The following CSMD1 variants were observed in gnomAD, a reference collection of about 807,000 sequenced individuals.
CSMD1 encodes the protein CUB and Sushi multiple domains 1, also known as CUB and sushi domain-containing protein 1.
Under a neutral mutation model 417.5 loss-of-function variants are expected in CSMD1, and 213 were observed. The ratio of observed to expected loss-of-function variants is 0.51; its 90% CI spans 0.46 to 0.57. The LOEUF is 0.57. Ranked by LOEUF, CSMD1 falls within the 20% of genes least tolerant of loss-of-function variation. The pLI, the probability that CSMD1 is intolerant of heterozygous loss-of-function variation, is 0.00. For synonymous variants in CSMD1, 2,862 were observed against 1,736.8 expected (o/e 1.65, Z -16.11); for missense variants, 6,923 against 4,529.7 (o/e 1.53, Z -15.17).
chr8:4,127,193 G>A (rs1425843888), intron 3 of CSMD1, among the ~76,000 whole-genome samples: 1 of 151,980 alleles, frequency 6.6e-6, no homozygotes, highest in Non-Finnish European at 1.5e-5. Flanking sequence ...TATCCCTGGA[G>A]GTGGCTGTCC....
intron 63 of CSMD1, among the ~76,000 whole-genome samples, chr8:2,957,215 T>C (rs1803078943): frequency 6.6e-6 from 1 of 152,180 alleles, no homozygotes; most frequent in South Asian, 2.1e-4. Flanking sequence ...GCAAGAATAA[T>C]TTTTTAAACA....
At chr8:3,367,343 T>A in intron 19 of CSMD1, 96 bp from the exon 20 acceptor site, 2 of 755,660 alleles carry the variant, frequency 2.6e-6, no homozygotes, top group Non-Finnish European at 4.4e-6. Context: ...GACAGAGACA[T>A]AGAGATGACA....
intron 46 of CSMD1, among the ~76,000 whole-genome samples, chr8:3,097,429 A>G (rs112412905): frequency 0.012 from 1,800 of 149,776 alleles, 32 homozygotes; most frequent in African/African-American, 0.042. Flanking sequence ...AAGAAAACTC[A>G]TATTTATTTT....
chr8:3,073,631 G>A (rs1476730851), intron 49 of CSMD1, among the ~76,000 whole-genome samples: 3 of 152,092 alleles, frequency 2.0e-5, no homozygotes, highest in African/African-American at 7.2e-5. Context: ...TAAAGATTAA[G>A]ATGTTTCAAT....
chr8:3,774,383 T>C (rs945859172), intron 5 of CSMD1, among the ~76,000 whole-genome samples: 2 of 152,164 alleles, frequency 1.3e-5, no homozygotes, highest in African/African-American at 4.8e-5. Flanking sequence ...CTCCCCGGGA[T>C]GCAAAACACA....
intron 25 of CSMD1, among the ~76,000 whole-genome samples, chr8:3,306,857 A>G (rs76852541): frequency 1.1e-5 from 1 of 94,054 alleles, no homozygotes. Flanking sequence ...AGCTTACTTT[A>G]AAAATATTAC....
At chr8:4,064,211 T>C (rs1482305358) in intron 3 of CSMD1, among the ~76,000 whole-genome samples, 3 of 152,196 alleles carry the variant, frequency 2.0e-5, no homozygotes, top group East Asian at 3.9e-4. Context: ...ATGGCTCAGA[T>C]TTGTTTCTGC....
intron 28 of CSMD1, 34 bp downstream of exon 28, chr8:3,223,695 C>T (rs774513290): frequency 1.9e-6 from 3 of 1,605,204 alleles, no homozygotes; most frequent in Admixed American, 1.7e-5. Flanking sequence ...ATTAAAAATC[C>T]TACTAAAAAG....
intron 11 of CSMD1, among the ~76,000 whole-genome samples, chr8:3,475,987 T>A (rs7461879): frequency 0.73 from 110,551 of 152,170 alleles, 40,579 homozygotes; most frequent in African/African-American, 0.84. Context: ...TCATCTCTGA[T>A]CAAATCTTCC....
At chr8:3,942,103 G>A (rs1304465398) in intron 5 of CSMD1, among the ~76,000 whole-genome samples, 1 of 152,018 alleles carries the variant, frequency 6.6e-6, no homozygotes, top group Non-Finnish European at 1.5e-5. Flanking sequence ...AGAATCTAAT[G>A]CCTGATGATC....
rs557895872 is a variant in CSMD1 at position 3,969,154 on chromosome 8, G to T, written c.818+28749C>A. On this transcript the variant is annotated intron_variant, in intron 5 of 69. Coordinates refer to ENST00000635120, the MANE Select transcript of CSMD1 (RefSeq NM_033225.6). ...TAATGTTACTACTCGAGAGGCTGAG[G>T]GAGGAGAATTGCTTGAACCTGGGAG... Among the ~76,000 whole-genome samples the T allele has an allele frequency of 9.9e-5, 15 of 152,274 alleles. No homozygotes were observed. The South Asian group carries it at 3.1e-3, about 32-fold the overall frequency.
At chr8:4,451,625 T>C (rs547971318) in intron 2 of CSMD1, among the ~76,000 whole-genome samples, 2 of 152,136 alleles carry the variant, frequency 1.3e-5, no homozygotes, top group Non-Finnish European at 2.9e-5. Flanking sequence ...CAAGAAGGAA[T>C]CTACTAGAAG....
intron 3 of CSMD1, among the ~76,000 whole-genome samples, chr8:4,087,761 C>G (rs971480631): frequency 6.6e-6 from 1 of 152,158 alleles, no homozygotes; most frequent in Non-Finnish European, 1.5e-5. Context: ...TCTTAATCTT[C>G]TTTCTATATT....
At chr8:3,205,652 T>G (rs1482534255) in intron 30 of CSMD1, 32 bp from the exon 31 acceptor site, 3 of 1,097,196 alleles carry the variant, frequency 2.7e-6, no homozygotes, top group African/African-American at 3.1e-5. Flanking sequence ...AATTAGTCGC[T>G]GTGCAATAAT....
At position 4,153,417 on chromosome 8, in the gene CSMD1, G is replaced by A. The variant is rs1055599978; in HGVS notation, c.416-121318C>T. 2.0e-5 allele frequency among the ~76,000 whole-genome samples: 3 copies of A among 152,176 alleles called. 1 individual carries two copies. The highest frequency in any genetic ancestry group is 2.9e-5 in the Non-Finnish European group (2 of 68,034). On this transcript the variant is annotated intron_variant, in intron 3 of 69. Coordinates refer to ENST00000635120, the MANE Select transcript of CSMD1 (RefSeq NM_033225.6). ...TTCTAGGTTCCCTAGCCTCATTCAT[G>A]CTGTTGCCTGTGCCCCGCACTTAGC...
chr8:3,400,478 T>A (rs1007273484), intron 15 of CSMD1, among the ~76,000 whole-genome samples: 4 of 152,094 alleles, frequency 2.6e-5, no homozygotes, highest in African/African-American at 7.2e-5. Flanking sequence ...AGAAAAAATG[T>A]GAATTAGTGA....
At chr8:4,244,020 T>G (rs1267956382) in intron 3 of CSMD1, among the ~76,000 whole-genome samples, 1 of 152,182 alleles carries the variant, frequency 6.6e-6, no homozygotes, top group Non-Finnish European at 1.5e-5. Flanking sequence ...GAAGCTGCAT[T>G]TTAACCTGGC....
chr8:3,267,801 A>G (rs1473859482), intron 26 of CSMD1, among the ~76,000 whole-genome samples: 2 of 152,110 alleles, frequency 1.3e-5, no homozygotes, highest in Non-Finnish European at 2.9e-5. Flanking sequence ...AGGGGTGCAG[A>G]GGCCGGGGCT....
At chr8:3,071,665 T>G (rs117216196) in intron 49 of CSMD1, among the ~76,000 whole-genome samples, 16 of 152,344 alleles carry the variant, frequency 1.1e-4, no homozygotes, top group Middle Eastern at 3.4e-3. Context: ...TCCATTTGAA[T>G]GCATAAGGCT....
Sources: gnomAD v4.1 joint callset for allele counts (sites outside exome capture counted in the v4.1 genomes callset) on GRCh38, gnomAD v4.1.1 for gene constraint, MANE v1.5 for transcripts, NCBI Gene and HGNC (gene_info 2026-07-23, HGNC 2026-07-21) for gene names.